SUSD5: variants seen among roughly 807,000 people sequenced by gnomAD.
SUSD5 encodes the protein sushi domain-containing protein 5.
Under a neutral mutation model 29.5 loss-of-function variants are expected in SUSD5, and 33 were observed. The ratio of observed to expected loss-of-function variants is 1.12; its 90% CI spans 0.85 to 1.49. The LOEUF is 1.49. Among genes scored for constraint, SUSD5 ranks in the 40% most tolerant of loss-of-function variants. The pLI, the probability that SUSD5 is intolerant of heterozygous loss-of-function variation, is 0.00. For missense variants in SUSD5, 776 were observed against 800.6 expected (o/e 0.97, Z 0.37); for synonymous variants, 308 against 325.3 (o/e 0.95, Z 0.57).
chr3:33,157,100 TCA>T (rs2031073126), intron 4 of SUSD5, among the ~76,000 whole-genome samples: 2 of 152,196 alleles, frequency 1.3e-5, no homozygotes, highest in African/African-American at 4.8e-5. Context: ...GTCAGGCCCT[TCA>T]CATTCCCTGT....
chr3:33,171,584 T>C (rs1172246645), intron 4 of SUSD5, among the ~76,000 whole-genome samples: 1 of 152,178 alleles, frequency 6.6e-6, no homozygotes, highest in Non-Finnish European at 1.5e-5. Context: ...CTATCGTTTG[T>C]GTCTTCCCTA....
Position 33,204,311 on chromosome 3 carries a change from T to C in SUSD5, c.409+3497A>G, listed in dbSNP as rs1237593553. Reference sequence around the variant, plus strand: ...AGCCACCATGCCCAGCCTGAGCTTTTTTGTTTGTTTGTTTGTTTGTTTGTT... The same window carrying C: ...AGCCACCATGCCCAGCCTGAGCTTTCTTGTTTGTTTGTTTGTTTGTTTGTT... On this transcript the variant is annotated intron_variant, in intron 3 of 4. Transcript: ENST00000309558. The surrounding 1 kb of genome is among the most constrained non-coding windows in gnomAD (Gnocchi z 4.5). Among the ~76,000 whole-genome samples the C allele has an allele frequency of 7.1e-6, 1 of 140,136 alleles. No individual in the cohort carries two copies. The highest frequency in any genetic ancestry group is 2.1e-4 in the East Asian group (1 of 4,834). 91.9% of individuals were successfully genotyped at this position (140,136 alleles called of 152,430 possible). A position where few individuals can be genotyped will look rare whatever the true frequency, so the allele number is the denominator to read the frequency against.
At chr3:33,199,901 C>A (rs565241674) in intron 3 of SUSD5, among the ~76,000 whole-genome samples, 3 of 152,310 alleles carry the variant, frequency 2.0e-5, no homozygotes, top group African/African-American at 7.2e-5. Context: ...ATAGGTGGAA[C>A]TGGTACCATT....
chr3:33,196,695 T>A (rs2032002566), intron 3 of SUSD5, among the ~76,000 whole-genome samples: 1 of 152,168 alleles, frequency 6.6e-6, no homozygotes, highest in South Asian at 2.1e-4. Flanking sequence ...TAGTTTATCA[T>A]CCATATAAGG....
intron 3 of SUSD5, among the ~76,000 whole-genome samples, chr3:33,188,918 G>GA (rs2031831294): frequency 6.6e-6 from 1 of 152,180 alleles, no homozygotes; most frequent in Middle Eastern, 3.4e-3. Context: ...CCTCCCCTTA[G>GA]AAAAATCTGT....
intron 3 of SUSD5, among the ~76,000 whole-genome samples, chr3:33,194,332 T>C (rs914832180): frequency 6.6e-6 from 1 of 152,200 alleles, no homozygotes; most frequent in African/African-American, 2.4e-5. Flanking sequence ...TCTACGGGTA[T>C]TAAACTCTTT....
chr3:33,211,790 G>C (rs753733209), intron 2 of SUSD5, among the ~76,000 whole-genome samples: 5 of 152,160 alleles, frequency 3.3e-5, no homozygotes, highest in Non-Finnish European at 7.4e-5. Flanking sequence ...GTGTTTTTGA[G>C]ATCTTATTAA....
intron 3 of SUSD5, among the ~76,000 whole-genome samples, chr3:33,198,024 TA>T (rs2032026753): frequency 6.6e-6 from 1 of 152,184 alleles, no homozygotes; most frequent in Admixed American, 6.5e-5. Flanking sequence ...GTATATATAA[TA>T]CATGTATATA....
At position 33,218,694 on chromosome 3, in the gene SUSD5, C is replaced by A. The variant is rs923586047; in HGVS notation, c.104G>T (p.Arg35Leu). 7.6e-7 allele frequency: 1 copy of A among 1,310,744 alleles called. No homozygotes were observed. The highest frequency in any genetic ancestry group is 9.7e-7 in the Non-Finnish European group (1 of 1,030,208). The allele number at this position is 1,310,744 out of a possible 1,614,324, so 81.2% of individuals were successfully genotyped here. Reference sequence around the variant, plus strand: ...GCCTCCCGCACACTCACCATCCGCCCGCACCGAAAGGCGCGGCAGACCGAG... The same window carrying A: ...GCCTCCCGCACACTCACCATCCGCCAGCACCGAAAGGCGCGGCAGACCGAG... ...LLLGLPRLSVRADGKFFVLES... is the reference protein window; with the variant it reads ...LLLGLPRLSVLADGKFFVLES... The change falls in exon 1 of 5, where the codon CGG becomes CTG. Residue 35 changes from arginine to leucine, a missense_variant. Coordinates refer to ENST00000309558, the MANE Select transcript of SUSD5 (RefSeq NM_015551.2).
At chr3:33,199,275 G>GT (rs1319639635) in intron 3 of SUSD5, among the ~76,000 whole-genome samples, 2 of 151,180 alleles carry the variant, frequency 1.3e-5, no homozygotes, top group Non-Finnish European at 3.0e-5. Context: ...AAAATAAGTT[G>GT]TTTTTTCTTT....
At chr3:33,172,125 C>G (rs1013008763) in intron 4 of SUSD5, among the ~76,000 whole-genome samples, 10 of 152,036 alleles carry the variant, frequency 6.6e-5, no homozygotes, top group Non-Finnish European at 1.5e-4. Context: ...CCCACTCCCC[C>G]AAGTTGACTT....
In SUSD5 at chr3:33,212,561, C is replaced by A. The variant is rs1182575651; in HGVS notation, c.290+1367G>T. Among the ~76,000 whole-genome samples the A allele has an allele frequency of 4.6e-5, 7 of 152,144 alleles. No individual in the cohort carries two copies. In the East Asian group the frequency reaches 1.3e-3, roughly 29 times the overall value. On this transcript the variant is annotated intron_variant, in intron 2 of 4. Coordinates refer to ENST00000309558, the MANE Select transcript of SUSD5 (RefSeq NM_015551.2). ...TGAGCTGGCAAGACTCATAGGCTGG[C>A]AATAACTCAATGGCTGGGGGCTAGA...
At chr3:33,206,575 C>T (rs1464219984) in intron 3 of SUSD5, among the ~76,000 whole-genome samples, 2 of 152,000 alleles carry the variant, frequency 1.3e-5, no homozygotes, top group Non-Finnish European at 2.9e-5. Flanking sequence ...CAACATCCTT[C>T]CATAGAAAGC....
At chr3:33,186,632 G>A (rs559138670) in intron 3 of SUSD5, among the ~76,000 whole-genome samples, 5 of 151,958 alleles carry the variant, frequency 3.3e-5, no homozygotes, top group Non-Finnish European at 7.4e-5. Context: ...TCACCATGTT[G>A]GCCAGGATGG....
At chr3:33,155,152 G>A (rs1215446975) in intron 4 of SUSD5, among the ~76,000 whole-genome samples, 1 of 152,214 alleles carries the variant, frequency 6.6e-6, no homozygotes, top group Non-Finnish European at 1.5e-5. Context: ...GCAAGGCAGA[G>A]TTAGAGAAGC....
At chr3:33,172,325 G>C (rs2031444625) in intron 4 of SUSD5, among the ~76,000 whole-genome samples, 1 of 152,134 alleles carries the variant, frequency 6.6e-6, no homozygotes, top group Non-Finnish European at 1.5e-5. Context: ...CTGCCCAGCA[G>C]CTTAAAGCTT....
chr3:33,167,184 A>AT lies in SUSD5; in HGVS notation c.598+7701_598+7702insA. On this transcript the variant is annotated intron_variant, in intron 4 of 4. Transcript: ENST00000309558. This position sits in a 1 kb window ranked among gnomAD's most constrained non-coding sequence, Gnocchi z 4.1. ...ACAAGAGCGAGACTCCATCTCAAAA[A>AT]AATATATATATATATAAATATATAT... Among the ~76,000 whole-genome samples the AT allele has an allele frequency of 6.6e-6, 1 of 150,784 alleles. No homozygotes were observed. The highest frequency in any genetic ancestry group is 1.9e-4 in the East Asian group (1 of 5,154).
chr3:33,153,576 G>T lies in SUSD5; in HGVS notation c.1056C>A (p.Gly352=). Residue 352 remains glycine (G), a synonymous_variant, in exon 5 of 5, where the codon GGC becomes GGA. Coordinates refer to ENST00000309558, the MANE Select transcript of SUSD5 (RefSeq NM_015551.2). ...NTDGPSGPFV[G]KNDSKAGDPV... is the part of the protein sequence containing the mutation. ...GATCTCCTGCCTTGCTGTCATTCTTGCCCACAAATGGCCCCGAGGGACCAT... is the reference window on the plus strand; with the variant it reads ...GATCTCCTGCCTTGCTGTCATTCTTTCCCACAAATGGCCCCGAGGGACCAT... 1.2e-6 allele frequency: 2 copies of T among 1,613,904 alleles called. No homozygotes were observed. Among genetic ancestry groups the T allele is most frequent in the Non-Finnish European group, 1.7e-6 (2 of 1,179,888 alleles).
chr3:33,190,064 T>C lies in SUSD5; in HGVS notation c.410-14990A>G, dbSNP rs1192467035. ...AAATTCAAAAAACTGAACGTACTCA[T>C]TTAACCACAAGCCAGTCAGTCTTAG... is the stretch of plus-strand genomic sequence containing the variant. On this transcript the variant is annotated intron_variant, in intron 3 of 4. Coordinates refer to ENST00000309558, the MANE Select transcript of SUSD5 (RefSeq NM_015551.2). Among the ~76,000 whole-genome samples, 3 of 152,362 alleles carry C rather than the reference T, an allele frequency of 2.0e-5. No homozygotes were observed. The East Asian group carries it at 5.8e-4, about 29-fold the overall frequency.
Sources: allele counts gnomAD v4.1 joint callset (sites outside exome capture counted in the v4.1 genomes callset), GRCh38; gene constraint gnomAD v4.1.1; non-coding constraint Gnocchi (gnomAD v3.1); transcripts MANE v1.5; gene names NCBI Gene and HGNC (gene_info 2026-07-23, HGNC 2026-07-21).